XYLT2: variants seen among roughly 807,000 people sequenced by gnomAD.
XYLT2 encodes xylosyltransferase 2.
XYLT2 carries 37 observed loss-of-function variants against 82.6 expected under a neutral mutation model. The observed-to-expected ratio is 0.45, with a 90% CI of 0.34 to 0.59. The LOEUF is 0.59. Among genes scored for constraint, XYLT2 ranks in the 20% least tolerant of loss-of-function variants. The probability of loss-of-function intolerance (pLI) is 0.01; values close to 1 mark genes in which losing one functional copy is unlikely to be tolerated. For synonymous variants in XYLT2, 474 were observed against 499.0 expected, an observed-to-expected ratio of 0.95 and a Z score of 0.67; for missense variants, 934 against 1,181.3, an observed-to-expected ratio of 0.79 and a Z score of 3.07.
At chr17:50,348,099 G>GATTCATTC (rs56009738) in intron 1 of XYLT2, among the ~76,000 whole-genome samples, 19 of 151,740 alleles carry the variant, frequency 1.3e-4, no homozygotes, top group Admixed American at 2.0e-4. Flanking sequence ...TTGGGAATAC[G>GATTCATTC]ATTCATTCAT....
rs768545089 is a variant in XYLT2, at chr17:50,355,877, G to A, written c.1185G>A (p.Val395=). Residue 395 remains valine (V), a synonymous_variant, in exon 6 of 11, where the codon GTG becomes GTA. Transcript: ENST00000017003. ...GERQIPAGIV[V]DGGSDWFVLT... ...GGCAGATCCCAGCAGGCATTGTGGT[G>A]GATGGCGGTTCTGACTGGTTCGTGC... The A allele has an allele frequency of 3.1e-6, 5 of 1,614,150 alleles. No individual in the cohort carries two copies. The South Asian group carries it at 3.3e-5, about 11-fold the overall frequency.
rs542527625 is a variant in XYLT2, at chr17:50,346,834, A to G, written c.135+559A>G. ...ACTGAAGGAACAGGGAGTGACGCCG[A>G]AGGAGAGAACTGGAGTATTCCCGAG... On this transcript the variant is annotated intron_variant, in intron 1 of 10. Transcript: ENST00000017003. The surrounding 1 kb of genome is among the most constrained non-coding windows in gnomAD (Gnocchi z 5.1). 6.5e-5 allele frequency: 64 copies of G among 985,342 alleles called. No individual in the cohort carries two copies. The African/African-American group carries it at 1.0e-3, about 16-fold the overall frequency. The allele number at this position is 985,342 out of a possible 1,614,324, so 61.0% of individuals were successfully genotyped here. A position where few individuals can be genotyped will look rare whatever the true frequency, so the allele number is the denominator to read the frequency against.
Position 50,346,292 on chromosome 17 carries a change from G to GCGGGCGGGCAGGC in XYLT2, c.135+24_135+36dup, listed in dbSNP as rs1912032855. ...GCGGGCGAGGTGCTCCGACGGCCGG[G>GCGGGCGGGCAGGC]CGGGCGGGCAGGCCGGGCGCGGGGG... On this transcript the variant is annotated intron_variant, in intron 1 of 10. Transcript: ENST00000017003. This position sits in a 1 kb window ranked among gnomAD's most constrained non-coding sequence, Gnocchi z 5.1. 1.1e-5 allele frequency: 12 copies of GCGGGCGGGCAGGC among 1,079,866 alleles called. No homozygotes were observed. Among genetic ancestry groups the GCGGGCGGGCAGGC allele is most frequent in the Non-Finnish European group, 1.4e-5 (12 of 886,104 alleles). 66.9% of individuals were successfully genotyped at this position (1,079,866 alleles called of 1,614,324 possible). A position where few individuals can be genotyped will look rare whatever the true frequency, so the allele number is the denominator to read the frequency against.
Position 50,361,063 on chromosome 17 carries a change from G to T in XYLT2, c.*772G>T. On this transcript the variant is annotated 3_prime_UTR_variant, in exon 11 of 11. Transcript: ENST00000017003. Reference sequence around the variant, plus strand: ...CAGCGTGGGAAGAAGACTCTGTCAAGACTCTCAGAAGAACCTGGAGTAATT... The same window carrying T: ...CAGCGTGGGAAGAAGACTCTGTCAATACTCTCAGAAGAACCTGGAGTAATT... 1.0e-6 allele frequency: 1 copy of T among 985,960 alleles called. No homozygotes were observed. The highest frequency in any genetic ancestry group is 1.2e-6 in the Non-Finnish European group (1 of 829,978). 61.1% of individuals were successfully genotyped at this position (985,960 alleles called of 1,614,324 possible). A position where few individuals can be genotyped will look rare whatever the true frequency, so the allele number is the denominator to read the frequency against.
At chr17:50,358,641 CTA>C in intron 10 of XYLT2, 101 bp downstream of exon 10, 1 of 1,252,326 alleles carries the variant, frequency 8.0e-7, no homozygotes, top group African/African-American at 1.5e-5. Flanking sequence ...ACTCCCATCC[CTA>C]GAGTCAGGGA....
Position 50,356,100 on chromosome 17 carries a change from G to A in XYLT2, c.1321G>A (p.Val441Met). ...CTGCTTGCAGTCCTTCTTCCACACG[G>A]TGCTGGAGAACAGCCTGGCCTGTGA... ...LLPAESFFHTVLENSLACETL... is the reference protein window; with the variant it reads ...LLPAESFFHTMLENSLACETL... Residue 441 changes from valine to methionine, a missense_variant, in exon 7 of 11, where the codon GTG becomes ATG. Transcript: ENST00000017003. 2 of 1,614,226 alleles carry A rather than the reference G, an allele frequency of 1.2e-6. No individual in the cohort carries two copies. Among genetic ancestry groups the A allele is most frequent in the South Asian group, 2.2e-5 (2 of 91,088 alleles).
chr17:50,358,634 C>T lies in XYLT2; in HGVS notation c.2275+94C>T, dbSNP rs1912662373. ...AAGAAGCCAACCATCAGAGCTGACT[C>T]CCATCCCTAGAGTCAGGGAAGCATG... On this transcript the variant is annotated intron_variant, in intron 10 of 10. Transcript: ENST00000017003. The T allele has an allele frequency of 4.6e-6, 6 of 1,313,288 alleles. No individual in the cohort carries two copies. The South Asian group carries it at 6.0e-5, about 13-fold the overall frequency. The allele number at this position is 1,313,288 out of a possible 1,614,324, so 81.4% of individuals were successfully genotyped here. A position where few individuals can be genotyped will look rare whatever the true frequency, so the allele number is the denominator to read the frequency against.
At chr17:50,359,759 G>A (rs1912719210) in intron 10 of XYLT2, 1 of 580,534 alleles carries the variant, frequency 1.7e-6, no homozygotes, top group African/African-American at 1.9e-5. Context: ...GCATCCTAAA[G>A]TTGGGAATCT....
At chr17:50,354,149 TC>T in intron 2 of XYLT2, 27 bp downstream of exon 2, 2 of 1,599,318 alleles carry the variant, frequency 1.3e-6, no homozygotes, top group Non-Finnish European at 1.7e-6. Flanking sequence ...CTCCAGCCCT[TC>T]CCAGGCGGGG....
rs867394742 is a variant in XYLT2, at chr17:50,360,125, GGACA to G, written c.2438_2441del (p.Asp813GlyfsTer3). 1 of 1,613,980 alleles carries G rather than the reference GGACA, an allele frequency of 6.2e-7. No homozygotes were observed. Among genetic ancestry groups the G allele is most frequent in the Admixed American group, 1.7e-5 (1 of 60,034 alleles). ...CTCACAGGCCCTGCGCTCGAGGCCT[GGACA>G]GACAGGGAACTGAGCAGCTTCTGGT... On this transcript the variant is annotated frameshift_variant, in exon 11 of 11. Transcript: ENST00000017003. LOFTEE classifies it high-confidence loss of function.
At position 50,354,925 on chromosome 17, in the gene XYLT2, G is replaced by T; in HGVS notation, c.876G>T (p.Trp292Cys). ...QGYDNVRVTP[W>C]RMVTIWGGAS... ...ATGATAACGTGCGGGTGACGCCCTG[G>T]CGCATGGTTACCATCTGGGGCGGGG... The change falls in exon 4 of 11, where the codon TGG (tryptophan) becomes TGT (cysteine). Residue 292 changes from tryptophan (W) to cysteine (C), a missense_variant. By Grantham distance (215) the Trp-to-Cys change is radical. Transcript: ENST00000017003. 1 of 1,604,582 alleles carries T rather than the reference G, an allele frequency of 6.2e-7. No homozygotes were observed. The highest frequency in any genetic ancestry group is 8.5e-7 in the Non-Finnish European group (1 of 1,175,090).
intron 7 of XYLT2, 24 bp from the exon 8 acceptor site, chr17:50,356,487 C>G (rs1159130469): frequency 6.2e-7 from 1 of 1,611,072 alleles, no homozygotes; most frequent in Non-Finnish European, 8.5e-7. Flanking sequence ...GAGCCCTTCA[C>G]CCTCCTTGCC....
Position 50,346,283 on chromosome 17 carries a change from G to C in XYLT2, c.135+8G>C. 1.8e-6 allele frequency: 2 copies of C among 1,104,350 alleles called. No homozygotes were observed. Among genetic ancestry groups the C allele is most frequent in the Non-Finnish European group, 2.2e-6 (2 of 899,000 alleles). The allele number at this position is 1,104,350 out of a possible 1,614,324, so 68.4% of individuals were successfully genotyped here. ...GAGGACGAGGCGGGCGAGGTGCTCC[G>C]ACGGCCGGGCGGGCGGGCAGGCCGG... On this transcript the variant is annotated splice_region_variant and intron_variant, in intron 1 of 10. Coordinates refer to ENST00000017003, the MANE Select transcript of XYLT2 (RefSeq NM_022167.4). The surrounding 1 kb of genome is among the most constrained non-coding windows in gnomAD (Gnocchi z 5.1).
At position 50,353,819 on chromosome 17, in the gene XYLT2, G is replaced by C. The variant is rs758090301; in HGVS notation, c.325G>C (p.Val109Leu). 8.9e-6 allele frequency: 14 copies of C among 1,581,626 alleles called. No individual in the cohort carries two copies. The African/African-American group carries it at 1.9e-4, about 21-fold the overall frequency. Residue 109 changes from valine to leucine, a missense_variant, in exon 2 of 11, where the codon GTC becomes CTC. Coordinates refer to ENST00000017003, the MANE Select transcript of XYLT2 (RefSeq NM_022167.4). ...VTSRQRASRR[V>L]PPAPPPEAPG... ...CAGCCGGCAGAGAGCCAGCCGGCGG[G>C]TCCCACCTGCCCCACCCCCGGAAGC... is the stretch of plus-strand genomic sequence containing the variant.
chr17:50,346,204 C>T lies in XYLT2; in HGVS notation c.64C>T (p.Leu22=), dbSNP rs1912027022. 9 of 1,291,722 alleles carry T rather than the reference C, an allele frequency of 7.0e-6. No homozygotes were observed. The highest frequency in any genetic ancestry group is 9.1e-6 in the Non-Finnish European group (9 of 993,130). 80.0% of individuals were successfully genotyped at this position (1,291,722 alleles called of 1,614,324 possible). A position where few individuals can be genotyped will look rare whatever the true frequency, so the allele number is the denominator to read the frequency against. Reference sequence around the variant, plus strand: ...CTACAAGCTGGCGATTGCCACGGCGCTGGCCATCCTGCTGCTGCAGGGCCT... The same window carrying T: ...CTACAAGCTGGCGATTGCCACGGCGTTGGCCATCCTGCTGCTGCAGGGCCT... The part of the protein sequence containing the change: ...RRYKLAIATA[L]AILLLQGLVV... The change falls in exon 1 of 11, where the codon CTG becomes TTG. Residue 22 remains leucine, a synonymous_variant. Transcript: ENST00000017003. This position sits in a 1 kb window ranked among gnomAD's most constrained non-coding sequence, Gnocchi z 5.1.
intron 10 of XYLT2, 119 bp from the exon 11 acceptor site, chr17:50,359,850 A>AGCTGTGACTCAGAAGTAGG (rs1912721593): frequency 2.3e-6 from 2 of 884,324 alleles, no homozygotes; most frequent in Admixed American, 5.8e-5. Flanking sequence ...TCATTCAGCA[A>AGCTGTGACTCAGAAGTAGG]GCTGTGACTC....
intron 9 of XYLT2, chr17:50,357,589 A>T: frequency 3.7e-5 from 8 of 218,772 alleles, no homozygotes; most frequent in Non-Finnish European, 6.1e-5. Context: ...GGCTCCTCAT[A>T]GTCTTTTTTT....
chr17:50,354,904 T>A lies in XYLT2; in HGVS notation c.855T>A (p.Asp285Glu). Reference sequence around the variant, plus strand: ...TGGTGGAGCTGGCCCAGGGCTATGATAACGTGCGGGTGACGCCCTGGCGCA... The same window carrying A: ...TGGTGGAGCTGGCCCAGGGCTATGAAAACGTGCGGGTGACGCCCTGGCGCA... ...REVVELAQGY[D>E]NVRVTPWRMV... is the part of the protein sequence containing the mutation. The change falls in exon 4 of 11, where the codon GAT becomes GAA. Residue 285 changes from aspartate to glutamate, a missense_variant. Physicochemically the swap from Asp to Glu is conservative, Grantham distance 45. This residue lies in a region of XYLT2 where 189 missense variants were observed against 320.8 expected (regional missense o/e 0.59). Transcript: ENST00000017003. 1 of 1,611,022 alleles carries A rather than the reference T, an allele frequency of 6.2e-7. No homozygotes were observed. Among genetic ancestry groups the A allele is most frequent in the Non-Finnish European group, 8.5e-7 (1 of 1,178,510 alleles).
At chr17:50,349,196 C>G (rs1318832977) in intron 1 of XYLT2, among the ~76,000 whole-genome samples, 1 of 152,252 alleles carries the variant, frequency 6.6e-6, no homozygotes, top group African/African-American at 2.4e-5. Context: ...GGCTTCCACT[C>G]GGAGAGCCTA....
Sources: allele counts gnomAD v4.1 joint callset (sites outside exome capture counted in the v4.1 genomes callset), GRCh38; gene constraint gnomAD v4.1.1; regional missense constraint gnomAD v4.1.1; non-coding constraint Gnocchi (gnomAD v3.1); transcripts MANE v1.5; gene names NCBI Gene and HGNC (gene_info 2026-07-23, HGNC 2026-07-21).